The following ADARB1 variants were observed in gnomAD, a reference collection of about 807,000 sequenced individuals.
The protein encoded by ADARB1 is adenosine deaminase RNA specific B1.
A neutral mutation model predicts 52.4 loss-of-function variants in ADARB1; 10 were observed. That is an observed-to-expected ratio of 0.19 (90% CI 0.12 to 0.32). The LOEUF (loss-of-function observed/expected upper bound fraction) is 0.32. ADARB1 is among the 10% of genes least tolerant of loss of function. ADARB1 has a pLI of 1.00. For synonymous variants in ADARB1, 349 were observed against 371.1 expected, an observed-to-expected ratio of 0.94 and a Z score of 0.68; for missense variants, 643 against 922.3, an observed-to-expected ratio of 0.70 and a Z score of 3.92.
At chr21:45,093,955 A>T (rs951145829) in intron 1 of ADARB1, among the ~76,000 whole-genome samples, 10 of 152,314 alleles carry the variant, frequency 6.6e-5, no homozygotes, top group Admixed American at 5.9e-4. Context: ...CTTCGTTTTT[A>T]CTGGTGATTT....
At chr21:45,083,741 C>G (rs973240522) in intron 1 of ADARB1, among the ~76,000 whole-genome samples, 4 of 152,194 alleles carry the variant, frequency 2.6e-5, no homozygotes, top group African/African-American at 9.6e-5. Context: ...GTTGCTCAGG[C>G]TAGAGTACAG....
intron 1 of ADARB1, among the ~76,000 whole-genome samples, chr21:45,101,983 C>T (rs2087039795): frequency 1.3e-5 from 2 of 152,226 alleles, no homozygotes; most frequent in South Asian, 4.1e-4. Context: ...CTTCCAGGCT[C>T]AAGTGATCCT....
chr21:45,162,110 G>A (rs560453078), intron 2 of ADARB1, among the ~76,000 whole-genome samples: 1 of 152,298 alleles, frequency 6.6e-6, no homozygotes, highest in African/African-American at 2.4e-5. Context: ...AATGAGGAGA[G>A]GAGGAGAGAA....
chr21:45,138,695 G>T (rs1431990152), intron 2 of ADARB1, among the ~76,000 whole-genome samples: 2 of 152,174 alleles, frequency 1.3e-5, no homozygotes, highest in African/African-American at 4.8e-5. Flanking sequence ...GGCACCCTTG[G>T]TAGAGGGGTA....
In ADARB1 at chr21:45,175,881, T is replaced by C; in HGVS notation, c.180T>C (p.Asn60=). 3 of 1,612,996 alleles carry C rather than the reference T, an allele frequency of 1.9e-6. No homozygotes were observed. Among genetic ancestry groups the C allele is most frequent in the Non-Finnish European group, 2.5e-6 (3 of 1,179,566 alleles). The change falls in exon 4 of 11, where the codon AAT becomes AAC. Residue 60 remains asparagine, a synonymous_variant. Transcript: ENST00000348831. ...GRKRPLEEGS[N]GHSKYRLKKR... ...AGCGGCCCCTGGAGGAGGGCAGCAATGGCCACTCCAAGTACCGCCTGAAGA... is the reference window on the plus strand; with the variant it reads ...AGCGGCCCCTGGAGGAGGGCAGCAACGGCCACTCCAAGTACCGCCTGAAGA...
At chr21:45,158,507 G>A (rs1424660518) in intron 2 of ADARB1, among the ~76,000 whole-genome samples, 6 of 152,184 alleles carry the variant, frequency 3.9e-5, no homozygotes, top group Admixed American at 2.0e-4. Context: ...GCAAAATTGG[G>A]TCAGAGAGTT....
At position 45,176,944 on chromosome 21, in the gene ADARB1, C is replaced by A; in HGVS notation, c.963+280C>A. The A allele has an allele frequency of 3.1e-6, 1 of 321,154 alleles. No homozygotes were observed. Among genetic ancestry groups the A allele is most frequent in the Non-Finnish European group, 5.3e-6 (1 of 190,264 alleles). The allele number at this position is 321,154 out of a possible 1,614,324, so 19.9% of individuals were successfully genotyped here. Reference sequence around the variant, plus strand: ...AGTGTTTACAACACTATCCATAACTCCCTTCCCGTTAGGCAACCCCCCCCA... The same window carrying A: ...AGTGTTTACAACACTATCCATAACTACCTTCCCGTTAGGCAACCCCCCCCA... On this transcript the variant is annotated intron_variant, in intron 4 of 10. Coordinates refer to ENST00000348831, the MANE Select transcript of ADARB1 (RefSeq NM_001112.4). This position sits in a 1 kb window ranked among gnomAD's most constrained non-coding sequence, Gnocchi z 5.8.
At chr21:45,120,960 G>A (rs747743089) in intron 1 of ADARB1, 1 of 152,154 alleles carries the variant, frequency 6.6e-6, no homozygotes, top group African/African-American at 2.4e-5. Flanking sequence ...TGTATTCTTG[G>A]TATGTGTGTA....
rs374368708 is a variant in ADARB1 at position 45,185,126 on chromosome 21, G to A, written c.1565+35G>A. The A allele has an allele frequency of 8.7e-6, 14 of 1,605,906 alleles. No homozygotes were observed. The African/African-American group carries it at 1.7e-4, about 20-fold the overall frequency. On this transcript the variant is annotated intron_variant, in intron 8 of 10. Coordinates refer to ENST00000348831, the MANE Select transcript of ADARB1 (RefSeq NM_001112.4). ...GGGGGCTCCCTGTGGCCACCTCCCTGCACACAGGATTCATCCATACTGTTT... is the reference window on the plus strand; with the variant it reads ...GGGGGCTCCCTGTGGCCACCTCCCTACACACAGGATTCATCCATACTGTTT...
At chr21:45,192,105 G>A (rs2092317113) in intron 8 of ADARB1, among the ~76,000 whole-genome samples, 1 of 151,802 alleles carries the variant, frequency 6.6e-6, no homozygotes, top group African/African-American at 2.4e-5. Context: ...GTCGATTGTG[G>A]CATTCAGGCA....
In ADARB1 at chr21:45,172,166, C is replaced by G. The variant is rs2091507961; in HGVS notation, c.28+482C>G. On this transcript the variant is annotated intron_variant, in intron 3 of 10. Coordinates refer to ENST00000348831, the MANE Select transcript of ADARB1 (RefSeq NM_001112.4). This position sits in a 1 kb window ranked among gnomAD's most constrained non-coding sequence, Gnocchi z 4.4. Reference sequence around the variant, plus strand: ...TGTTGATCTAAAGTTCGCAAAGGTGCTAATGAGAGCTGGGACTGGTGTGGG... The same window carrying G: ...TGTTGATCTAAAGTTCGCAAAGGTGGTAATGAGAGCTGGGACTGGTGTGGG... Among the ~76,000 whole-genome samples the G allele has an allele frequency of 6.6e-6, 1 of 152,120 alleles. No individual in the cohort carries two copies.
In ADARB1 at chr21:45,221,041, G is replaced by A. The variant is rs1013856029; in HGVS notation, c.1926+27G>A. 1.3e-5 allele frequency: 21 copies of A among 1,580,008 alleles called. No homozygotes were observed. The highest frequency in any genetic ancestry group is 5.4e-5 in the African/African-American group (4 of 74,464). On this transcript the variant is annotated intron_variant, in intron 10 of 10. Coordinates refer to ENST00000348831, the MANE Select transcript of ADARB1 (RefSeq NM_001112.4). This position sits in a 1 kb window ranked among gnomAD's most constrained non-coding sequence, Gnocchi z 4.9. ...TACTGAGGCGCCCTCACCGCAATGC[G>A]CCGGCTCCACCTCCCCAATAGCTTG...
chr21:45,135,178 T>A (rs2089291022), intron 2 of ADARB1, among the ~76,000 whole-genome samples: 1 of 152,232 alleles, frequency 6.6e-6, no homozygotes, highest in African/African-American at 2.4e-5. Context: ...CCAGTTCTAC[T>A]AATTCTGGAA....
chr21:45,149,837 A>G (rs926417115), intron 2 of ADARB1, among the ~76,000 whole-genome samples: 1 of 152,252 alleles, frequency 6.6e-6, no homozygotes, highest in African/African-American at 2.4e-5. Context: ...AGCGGCCTAC[A>G]TCCTGTTTTT....
At chr21:45,180,235 T>A (rs1368827494) in intron 4 of ADARB1, 95 bp from the exon 5 acceptor site, 1 of 841,722 alleles carries the variant, frequency 1.2e-6, no homozygotes, top group East Asian at 2.7e-5. Context: ...GCAGCCTGTG[T>A]CACTCCATAA....
intron 4 of ADARB1, chr21:45,177,306 G>A (rs968279676): frequency 3.3e-5 from 5 of 152,464 alleles, no homozygotes; most frequent in African/African-American, 4.8e-5. Flanking sequence ...CCAGTTGCCT[G>A]GGAGTCTCTA....
chr21:45,114,127 C>G (rs1376838695), intron 1 of ADARB1, among the ~76,000 whole-genome samples: 1 of 152,206 alleles, frequency 6.6e-6, no homozygotes, highest in East Asian at 1.9e-4. Flanking sequence ...CCAGCACATT[C>G]TGATATTAGG....
intron 1 of ADARB1, among the ~76,000 whole-genome samples, chr21:45,103,373 A>G (rs993274162): frequency 6.6e-6 from 1 of 151,910 alleles, no homozygotes; most frequent in Non-Finnish European, 1.5e-5. Context: ...TTTTCTTTCC[A>G]TGATTACATT....
At chr21:45,188,625 T>A (rs1355992236) in intron 8 of ADARB1, among the ~76,000 whole-genome samples, 1 of 151,750 alleles carries the variant, frequency 6.6e-6, no homozygotes, top group Non-Finnish European at 1.5e-5. Flanking sequence ...TTTTTTTTTT[T>A]AATCCATTTA....
Sources: allele counts gnomAD v4.1 joint callset (sites outside exome capture counted in the v4.1 genomes callset), GRCh38; gene constraint gnomAD v4.1.1; non-coding constraint Gnocchi (gnomAD v3.1); transcripts MANE v1.5; gene names NCBI Gene and HGNC (gene_info 2026-07-23, HGNC 2026-07-21).